SPEN: variants seen among roughly 807,000 people sequenced by gnomAD.
SPEN encodes spen family transcriptional repressor.
SPEN carries 18 observed loss-of-function variants against 269.9 expected under a neutral mutation model. That is an observed-to-expected ratio of 0.07 (90% CI 0.05 to 0.10). The LOEUF (loss-of-function observed/expected upper bound fraction) is 0.10, where lower values mean the gene tolerates loss of function less well. Ranked by LOEUF, SPEN falls within the 10% of genes least tolerant of loss-of-function variation. The pLI is 1.00. For synonymous variants in SPEN, 1,726 were observed against 1,765.7 expected (o/e 0.98, Z 0.56); for missense variants, 3,822 against 4,631.2 (o/e 0.83, Z 5.07).
intron 3 of SPEN, among the ~76,000 whole-genome samples, chr1:15,889,357 G>T (rs2148718022): frequency 6.6e-6 from 1 of 151,936 alleles, no homozygotes; most frequent in Non-Finnish European, 1.5e-5. Flanking sequence ...GTAGAGATGG[G>T]GTTTCACCAT....
rs893952377 is a variant in SPEN at position 15,879,110 on chromosome 1, G to C, written c.881+2432G>C. 1.3e-4 allele frequency among the ~76,000 whole-genome samples: 17 copies of C among 130,998 alleles called. No individual in the cohort carries two copies. In the South Asian group the frequency reaches 1.8e-3, roughly 14 times the overall value. The allele number at this position is 130,998 out of a possible 152,430, so 85.9% of individuals were successfully genotyped here. ...TTCCAGCACACTATGAGGCTGAGGTGGGTAGATCACTTGAGGTCGGTCAGG... is the reference window on the plus strand; with the variant it reads ...TTCCAGCACACTATGAGGCTGAGGTCGGTAGATCACTTGAGGTCGGTCAGG... On this transcript the variant is annotated intron_variant, in intron 3 of 14. Coordinates refer to ENST00000375759, the MANE Select transcript of SPEN (RefSeq NM_015001.3).
chr1:15,886,143 G>A (rs781205532), intron 3 of SPEN, among the ~76,000 whole-genome samples: 3 of 152,126 alleles, frequency 2.0e-5, no homozygotes, highest in Non-Finnish European at 4.4e-5. Flanking sequence ...TTTTAGATGT[G>A]TAGGTGTTGT....
At chr1:15,902,279 C>T (rs1367688494) in intron 3 of SPEN, among the ~76,000 whole-genome samples, 1 of 152,058 alleles carries the variant, frequency 6.6e-6, no homozygotes, top group African/African-American at 2.4e-5. Flanking sequence ...TTCTCATAAC[C>T]AATTCTGTAT....
chr1:15,848,175 GCGCT>G lies in SPEN; in HGVS notation c.83+31_83+34del, dbSNP rs2070292856. On this transcript the variant is annotated intron_variant, in intron 1 of 14. Coordinates refer to ENST00000375759, the MANE Select transcript of SPEN (RefSeq NM_015001.3). This position sits in a 1 kb window ranked among gnomAD's most constrained non-coding sequence, Gnocchi z 5.1. ...GGTGAGTGACACGAGGCCCGCGGCC[GCGCT>G]CGCTCCTCGGGCGCCGCTTCCCGCC... is the stretch of plus-strand genomic sequence containing the variant. The G allele has an allele frequency of 7.0e-7, 1 of 1,427,532 alleles. No individual in the cohort carries two copies. Among genetic ancestry groups the G allele is most frequent in the Non-Finnish European group, 9.3e-7 (1 of 1,071,236 alleles). The allele number at this position is 1,427,532 out of a possible 1,614,324, so 88.4% of individuals were successfully genotyped here.
chr1:15,932,620 C>T lies in SPEN; in HGVS notation c.6380C>T (p.Pro2127Leu), dbSNP rs750173975. The T allele has an allele frequency of 4.3e-6, 7 of 1,609,792 alleles. No individual in the cohort carries two copies. In the South Asian group the frequency reaches 4.4e-5, roughly 10 times the overall value. The change falls in exon 11 of 15, where the codon CCC becomes CTC. Residue 2127 changes from proline to leucine, a missense_variant. Pro to Leu is a moderately conservative substitution (Grantham distance 98). Coordinates refer to ENST00000375759, the MANE Select transcript of SPEN (RefSeq NM_015001.3). This position sits in a 1 kb window ranked among gnomAD's most constrained non-coding sequence, Gnocchi z 4.2. The stretch of plus-strand genomic sequence containing the variant: ...GTCTCCCCTGAGAAAAGTGAGAGTC[C>T]CCAAAAGGAGGATGGTTTATCATCC... Reference protein sequence around the residue: ...VAVSPEKSESPQKEDGLSSQL... With the variant: ...VAVSPEKSESLQKEDGLSSQL...
chr1:15,848,188 G>A lies in SPEN; in HGVS notation c.83+38G>A, dbSNP rs776945585. 3 of 1,391,272 alleles carry A rather than the reference G, an allele frequency of 2.2e-6. No homozygotes were observed. The highest frequency in any genetic ancestry group is 1.4e-5 in the South Asian group (1 of 72,152). The allele number at this position is 1,391,272 out of a possible 1,614,324, so 86.2% of individuals were successfully genotyped here. ...AGGCCCGCGGCCGCGCTCGCTCCTC[G>A]GGCGCCGCTTCCCGCCCCGGCCCGT... is the stretch of plus-strand genomic sequence containing the variant. On this transcript the variant is annotated intron_variant, in intron 1 of 14. Coordinates refer to ENST00000375759, the MANE Select transcript of SPEN (RefSeq NM_015001.3). This position sits in a 1 kb window ranked among gnomAD's most constrained non-coding sequence, Gnocchi z 5.1.
At chr1:15,863,070 C>A (rs1291954965) in intron 1 of SPEN, among the ~76,000 whole-genome samples, 2 of 152,154 alleles carry the variant, frequency 1.3e-5, no homozygotes, top group Non-Finnish European at 2.9e-5. Context: ...CGAATCCCAG[C>A]ACTTTTCCCA....
At chr1:15,915,839 AATTTAGCAG>A (rs2071062329) in intron 5 of SPEN, among the ~76,000 whole-genome samples, 1 of 152,114 alleles carries the variant, frequency 6.6e-6, no homozygotes. Context: ...CTTCCCAGCT[AATTTAGCAG>A]ATTTAAATCA....
In SPEN at chr1:15,939,148, TC is replaced by T. The variant is rs2071310771; in HGVS notation, c.10864-146del. The T allele has an allele frequency of 8.6e-7, 1 of 1,157,824 alleles. No individual in the cohort carries two copies. The highest frequency in any genetic ancestry group is 2.5e-5 in the East Asian group (1 of 39,368). The allele number at this position is 1,157,824 out of a possible 1,614,324, so 71.7% of individuals were successfully genotyped here. On this transcript the variant is annotated intron_variant, in intron 14 of 14. Coordinates refer to ENST00000375759, the MANE Select transcript of SPEN (RefSeq NM_015001.3). This position sits in a 1 kb window ranked among gnomAD's most constrained non-coding sequence, Gnocchi z 4.1. ...TAGTTTTCTGACACCTGCTAGGTCTTCCAGTAGACATAGTCCTGGCACATTT... is the reference window on the plus strand; with the variant it reads ...TAGTTTTCTGACACCTGCTAGGTCTTCAGTAGACATAGTCCTGGCACATTT...
chr1:15,847,798 C>G lies in SPEN; in HGVS notation c.-270C>G. 1 of 224,824 alleles carries G rather than the reference C, an allele frequency of 4.4e-6. No homozygotes were observed. Among genetic ancestry groups the G allele is most frequent in the Non-Finnish European group, 8.8e-6 (1 of 113,948 alleles). The allele number at this position is 224,824 out of a possible 1,614,324, so 13.9% of individuals were successfully genotyped here. On this transcript the variant is annotated 5_prime_UTR_variant, in exon 1 of 15. Transcript: ENST00000375759. ...CCCCTCCTCCCGCTCCCCCGCCCGC[C>G]CCTGCCCGGGCGCATGCGCTGCCGG... is the stretch of plus-strand genomic sequence containing the variant.
In SPEN at chr1:15,909,305, T is replaced by C. The variant is rs774597839; in HGVS notation, c.882-16T>C. The stretch of plus-strand genomic sequence containing the variant: ...TTGTCTTTTCACTAAAGTTTGTTGT[T>C]GTTGCCTTTTTGCAGCAGTGATTCC... On this transcript the variant is annotated splice_polypyrimidine_tract_variant and intron_variant, in intron 3 of 14. Transcript: ENST00000375759. 7 of 1,595,646 alleles carry C rather than the reference T, an allele frequency of 4.4e-6. No individual in the cohort carries two copies. In the Admixed American group the frequency reaches 1.3e-4, roughly 29 times the overall value.
chr1:15,904,479 T>TAAAAAACAAAAAAAAA (rs1557750239), intron 3 of SPEN, among the ~76,000 whole-genome samples: 1 of 81,094 alleles, frequency 1.2e-5, no homozygotes, highest in Non-Finnish European at 2.4e-5. Flanking sequence ...AAAAAAAAAG[T>TAAAAAACAAAAAAAAA]GAACTAAAAA....
chr1:15,873,794 A>T, intron 2 of SPEN: 1 of 1,018,052 alleles, frequency 9.8e-7, no homozygotes, highest in South Asian at 3.9e-5. Context: ...AAAATGATGG[A>T]TGTTTCCTAA....
chr1:15,871,709 A>G (rs150096510), intron 1 of SPEN, among the ~76,000 whole-genome samples: 5 of 152,218 alleles, frequency 3.3e-5, no homozygotes, highest in African/African-American at 1.2e-4. Flanking sequence ...GTCACTTGCA[A>G]ATGGACACAA....
At chr1:15,887,276 A>ATTTTTTT (rs34435171) in intron 3 of SPEN, among the ~76,000 whole-genome samples, 1 of 82,318 alleles carries the variant, frequency 1.2e-5, no homozygotes, top group Admixed American at 1.7e-4. Flanking sequence ...CCTGGCCTGA[A>ATTTTTTT]TTTTTTTTTT....
At chr1:15,858,177 C>T (rs564360550) in intron 1 of SPEN, among the ~76,000 whole-genome samples, 45 of 151,962 alleles carry the variant, frequency 3.0e-4, no homozygotes, top group African/African-American at 1.1e-3. Flanking sequence ...TGGTCTTGAA[C>T]TCCTGGGCTC....
chr1:15,906,453 C>CTTTTTTTTTTTTTTTTTTT (rs200731520), intron 3 of SPEN, among the ~76,000 whole-genome samples: 1 of 92,586 alleles, frequency 1.1e-5, no homozygotes, highest in African/African-American at 5.1e-5. Context: ...TCTTTCTTTC[C>CTTTTTTTTTTTTTTTTTTT]TTTTTTTTTT....
chr1:15,915,082 G>A (rs912688243), intron 5 of SPEN, among the ~76,000 whole-genome samples: 1 of 152,170 alleles, frequency 6.6e-6, no homozygotes, highest in Admixed American at 6.5e-5. Context: ...GAGTTTTTAT[G>A]TCTATTTCAG....
In SPEN at chr1:15,936,060, C is replaced by T. The variant is rs1395657932; in HGVS notation, c.9820C>T (p.Pro3274Ser). The T allele has an allele frequency of 1.3e-6, 2 of 1,593,704 alleles. No individual in the cohort carries two copies. Among genetic ancestry groups the T allele is most frequent in the East Asian group, 4.5e-5 (2 of 44,506 alleles). Residue 3274 changes from proline (P) to serine (S), a missense_variant, in exon 11 of 15, where the codon CCC becomes TCC. Physicochemically the swap from Pro to Ser is moderately conservative, Grantham distance 74. Coordinates refer to ENST00000375759, the MANE Select transcript of SPEN (RefSeq NM_015001.3). The stretch of plus-strand genomic sequence containing the variant: ...TGAGGCCCGTATCCTCACAGTTACC[C>T]CCAGTAACCAACTCCAGGGGCTGCC... ...HGEARILTVT[P>S]SNQLQGLPLT...
Sources: allele counts gnomAD v4.1 joint callset (sites outside exome capture counted in the v4.1 genomes callset), GRCh38; gene constraint gnomAD v4.1.1; non-coding constraint Gnocchi (gnomAD v3.1); transcripts MANE v1.5; gene names NCBI Gene and HGNC (gene_info 2026-07-23, HGNC 2026-07-21).